BCAS3: variants seen among roughly 807,000 people sequenced by gnomAD.
BCAS3 encodes the protein BCAS4/BCAS3 fusion.
Under a neutral mutation model 116.1 loss-of-function variants are expected in BCAS3, and 53 were observed. The observed-to-expected ratio is 0.46, with a 90% CI of 0.37 to 0.57. The LOEUF is 0.57. Among genes scored for constraint, BCAS3 ranks in the 20% least tolerant of loss-of-function variants. The pLI is 0.00. For missense variants in BCAS3, 917 were observed against 1,165.4 expected (o/e 0.79, Z 3.10); for synonymous variants, 391 against 408.2 (o/e 0.96, Z 0.51).
At position 61,261,621 on chromosome 17, in the gene BCAS3, G is replaced by A. The variant is rs770651419; in HGVS notation, c.2426-106706G>A. On this transcript the variant is annotated intron_variant, in intron 22 of 23. Transcript: ENST00000407086. This position sits in a 1 kb window ranked among gnomAD's most constrained non-coding sequence, Gnocchi z 4.4. Reference sequence around the variant, plus strand: ...AATGGTAAATCATGTGGTGTTTGATGTGACCATCTCCACGATTTCTAGTGT... The same window carrying A: ...AATGGTAAATCATGTGGTGTTTGATATGACCATCTCCACGATTTCTAGTGT... 1.3e-5 allele frequency among the ~76,000 whole-genome samples: 2 copies of A among 152,138 alleles called. No individual in the cohort carries two copies. Among genetic ancestry groups the A allele is most frequent in the Non-Finnish European group, 2.9e-5 (2 of 68,028 alleles).
At chr17:60,944,275 G>T (rs2060370315) in intron 13 of BCAS3, among the ~76,000 whole-genome samples, 1 of 151,852 alleles carries the variant, frequency 6.6e-6, no homozygotes, top group African/African-American at 2.4e-5. Context: ...TGAAAAAGTG[G>T]ATATCATTAA....
intron 22 of BCAS3, among the ~76,000 whole-genome samples, chr17:61,121,980 A>C (rs889963571): frequency 6.6e-6 from 1 of 152,078 alleles, no homozygotes; most frequent in Non-Finnish European, 1.5e-5. Context: ...CACCCGCCTC[A>C]TCCTCCCAAA....
At chr17:60,940,267 T>C (rs2060156326) in intron 13 of BCAS3, among the ~76,000 whole-genome samples, 1 of 152,218 alleles carries the variant, frequency 6.6e-6, no homozygotes, top group Admixed American at 6.5e-5. Flanking sequence ...TCATCTGCTT[T>C]GGTAGTGTTT....
intron 14 of BCAS3, chr17:60,987,247 T>G (rs540993179): frequency 6.6e-6 from 1 of 152,096 alleles, no homozygotes; most frequent in Non-Finnish European, 1.5e-5. Flanking sequence ...TGTAGTATAA[T>G]TTGAAGTCAG....
At chr17:60,908,816 C>G (rs1430926939) in intron 11 of BCAS3, among the ~76,000 whole-genome samples, 1 of 152,120 alleles carries the variant, frequency 6.6e-6, no homozygotes, top group South Asian at 2.1e-4. Flanking sequence ...CTTTGCTGGT[C>G]ATTTTTATTT....
At position 61,379,604 on chromosome 17, in the gene BCAS3, A is replaced by T. The variant is rs114098052; in HGVS notation, c.2593+11110A>T. The T allele has an allele frequency of 1.3e-5, 2 of 150,734 alleles. No homozygotes were observed. Among genetic ancestry groups the T allele is most frequent in the South Asian group, 4.2e-4 (2 of 4,742 alleles). The allele number at this position is 150,734 out of a possible 1,614,324, so 9.3% of individuals were successfully genotyped here. On this transcript the variant is annotated intron_variant, in intron 23 of 23. Coordinates refer to ENST00000407086, the MANE Select transcript of BCAS3 (RefSeq NM_017679.5). This position sits in a 1 kb window ranked among gnomAD's most constrained non-coding sequence, Gnocchi z 5.5. ...GCCTTTTACTTATTTCTTCCTGCCC[A>T]CTCCTCCTCCCACGTCACCCCTGCC...
Position 61,333,382 on chromosome 17 carries a change from A to T in BCAS3, c.2426-34945A>T, listed in dbSNP as rs1191455689. 6.6e-6 allele frequency among the ~76,000 whole-genome samples: 1 copy of T among 152,204 alleles called. No homozygotes were observed. Among genetic ancestry groups the T allele is most frequent in the South Asian group, 2.1e-4 (1 of 4,818 alleles). On this transcript the variant is annotated intron_variant, in intron 22 of 23. Transcript: ENST00000407086. This position sits in a 1 kb window ranked among gnomAD's most constrained non-coding sequence, Gnocchi z 4.8. Reference sequence around the variant, plus strand: ...TCTTACCAGACAATAGCTGTCTATGACCTCAAGCCAGGCCTAGGACAAAGT... The same window carrying T: ...TCTTACCAGACAATAGCTGTCTATGTCCTCAAGCCAGGCCTAGGACAAAGT...
intron 22 of BCAS3, among the ~76,000 whole-genome samples, chr17:61,246,502 T>C (rs1455232065): frequency 6.7e-6 from 1 of 148,910 alleles, no homozygotes; most frequent in East Asian, 2.0e-4. Context: ...AAAAAAGATT[T>C]ATGTTGTTTC....
chr17:60,872,629 CACAT>C (rs776215528), intron 8 of BCAS3, among the ~76,000 whole-genome samples: 6 of 150,846 alleles, frequency 4.0e-5, no homozygotes, highest in Admixed American at 6.6e-5. Flanking sequence ...TGTATATACA[CACAT>C]ACACACACAC....
At chr17:60,916,065 A>G (rs775831622) in intron 12 of BCAS3, among the ~76,000 whole-genome samples, 18 of 152,106 alleles carry the variant, frequency 1.2e-4, no homozygotes, top group Non-Finnish European at 2.1e-4. Context: ...CTTGAAGGAC[A>G]TTTGCACTGT....
At position 60,956,490 on chromosome 17, in the gene BCAS3, A is replaced by C. The variant is rs999967616; in HGVS notation, c.1221+9138A>C. On this transcript the variant is annotated intron_variant, in intron 14 of 23. Transcript: ENST00000407086. The surrounding 1 kb of genome is among the most constrained non-coding windows in gnomAD (Gnocchi z 4.2). ...TCATCTCTGACCTTTTAGAATTTGG[A>C]TATTTTAAGCACTTAACACCTATTT... 3.3e-5 allele frequency among the ~76,000 whole-genome samples: 5 copies of C among 152,198 alleles called. No homozygotes were observed. Among genetic ancestry groups the C allele is most frequent in the Non-Finnish European group, 7.3e-5 (5 of 68,032 alleles).
Position 61,106,106 on chromosome 17 carries a change from A to G in BCAS3, c.2425+21542A>G, listed in dbSNP as rs757423136. 6.6e-6 allele frequency among the ~76,000 whole-genome samples: 1 copy of G among 152,212 alleles called. No homozygotes were observed. The highest frequency in any genetic ancestry group is 1.5e-5 in the Non-Finnish European group (1 of 68,042). On this transcript the variant is annotated intron_variant, in intron 22 of 23. Coordinates refer to ENST00000407086, the MANE Select transcript of BCAS3 (RefSeq NM_017679.5). This position sits in a 1 kb window ranked among gnomAD's most constrained non-coding sequence, Gnocchi z 4.2. Reference sequence around the variant, plus strand: ...ATTTTACTTAATGGCCCCAAAGCACAAGGGTTGATGCTGGCATATTGTTAT... The same window carrying G: ...ATTTTACTTAATGGCCCCAAAGCACGAGGGTTGATGCTGGCATATTGTTAT...
At position 61,376,044 on chromosome 17, in the gene BCAS3, A is replaced by G. The variant is rs1449851775; in HGVS notation, c.2593+7550A>G. On this transcript the variant is annotated intron_variant, in intron 23 of 23. Transcript: ENST00000407086. The surrounding 1 kb of genome is among the most constrained non-coding windows in gnomAD (Gnocchi z 4.5). ...ATCCCACATATTTTTAAAATCTGCA[A>G]TTTAGAGAGAACTTTATCCAGTCCA... 6.6e-6 allele frequency among the ~76,000 whole-genome samples: 1 copy of G among 152,238 alleles called. No individual in the cohort carries two copies. The highest frequency in any genetic ancestry group is 2.4e-5 in the African/African-American group (1 of 41,464).
intron 6 of BCAS3, among the ~76,000 whole-genome samples, chr17:60,768,000 A>G (rs894874977): frequency 6.6e-6 from 1 of 152,066 alleles, no homozygotes. Context: ...GGATCTCACT[A>G]TGTTGCCCAG....
rs917979826 is a variant in BCAS3 at position 61,276,453 on chromosome 17, C to T, written c.2426-91874C>T. 2.6e-5 allele frequency among the ~76,000 whole-genome samples: 4 copies of T among 152,122 alleles called. No individual in the cohort carries two copies. The highest frequency in any genetic ancestry group is 5.9e-5 in the Non-Finnish European group (4 of 68,016). ...AGGAAAGCTATTTCATTTACAGTAGCATCAAAAAGAACAAAGTACTCAGGA... is the reference window on the plus strand; with the variant it reads ...AGGAAAGCTATTTCATTTACAGTAGTATCAAAAAGAACAAAGTACTCAGGA... On this transcript the variant is annotated intron_variant, in intron 22 of 23. Coordinates refer to ENST00000407086, the MANE Select transcript of BCAS3 (RefSeq NM_017679.5). This position sits in a 1 kb window ranked among gnomAD's most constrained non-coding sequence, Gnocchi z 4.2.
chr17:61,177,991 C>T (rs2079246550), intron 22 of BCAS3, among the ~76,000 whole-genome samples: 1 of 152,116 alleles, frequency 6.6e-6, no homozygotes, highest in South Asian at 2.1e-4. Flanking sequence ...TTTTGTCCTA[C>T]ATCTCTACAT....
Position 61,281,819 on chromosome 17 carries a change from A to T in BCAS3, c.2426-86508A>T, listed in dbSNP as rs1246000631. ...TTTATCAATAATTTCTGGGGTTTGT[A>T]TCATATTAAGTATAGCTTTCTCATT... On this transcript the variant is annotated intron_variant, in intron 22 of 23. Coordinates refer to ENST00000407086, the MANE Select transcript of BCAS3 (RefSeq NM_017679.5). This position sits in a 1 kb window ranked among gnomAD's most constrained non-coding sequence, Gnocchi z 4.2. Among the ~76,000 whole-genome samples, 1 of 152,136 alleles carries T rather than the reference A, an allele frequency of 6.6e-6. No individual in the cohort carries two copies. The highest frequency in any genetic ancestry group is 2.4e-5 in the African/African-American group (1 of 41,430).
At chr17:60,799,708 CTTTTTTTTTTT>C (rs67510415) in intron 6 of BCAS3, among the ~76,000 whole-genome samples, 3 of 49,838 alleles carry the variant, frequency 6.0e-5, no homozygotes, top group African/African-American at 2.3e-4. Flanking sequence ...TTTTTCTTTT[CTTTTTTTTTTT>C]TTTTTTTTTT....
intron 22 of BCAS3, among the ~76,000 whole-genome samples, chr17:61,212,049 T>C (rs2038788165): frequency 6.6e-6 from 1 of 152,228 alleles, no homozygotes; most frequent in Non-Finnish European, 1.5e-5. Flanking sequence ...ACAAAGCAGC[T>C]AATGTTAGAA....
Sources: gnomAD v4.1 joint callset for allele counts (sites outside exome capture counted in the v4.1 genomes callset) on GRCh38, gnomAD v4.1.1 for gene constraint, Gnocchi (gnomAD v3.1) non-coding constraint, MANE v1.5 for transcripts, NCBI Gene and HGNC (gene_info 2026-07-23, HGNC 2026-07-21) for gene names.